The following UNC13A variants were observed in gnomAD, a reference collection of about 807,000 sequenced individuals.
UNC13A encodes protein unc-13 homolog A.
Under a neutral mutation model 219.7 loss-of-function variants are expected in UNC13A, and 61 were observed. That is an observed-to-expected ratio of 0.28 (90% confidence interval 0.23 to 0.34). The LOEUF is 0.34. Among genes scored for constraint, UNC13A ranks in the 10% least tolerant of loss-of-function variants. The pLI is 1.00. For missense variants in UNC13A, 1,476 were observed against 2,270.3 expected (o/e 0.65, Z 7.11); for synonymous variants, 920 against 884.6 (o/e 1.04, Z -0.71).
intron 16 of UNC13A, 81 bp downstream of exon 16, chr19:17,648,350 G>T: frequency 1.4e-5 from 7 of 513,280 alleles, no homozygotes; most frequent in Non-Finnish European, 1.8e-5. Context: ...CCATCGCCTT[G>T]CCCTTCAGCC....
At chr19:17,662,991 G>C (rs1351137794) in intron 8 of UNC13A, among the ~76,000 whole-genome samples, 1 of 151,952 alleles carries the variant, frequency 6.6e-6, no homozygotes, top group Non-Finnish European at 1.5e-5. Flanking sequence ...CTTATTCCCT[G>C]GGAGAGCAAA....
chr19:17,616,275 A>AGCAG (rs1324695495), intron 41 of UNC13A: 1 of 511,004 alleles, frequency 2.0e-6, no homozygotes, highest in Non-Finnish European at 3.5e-6. Flanking sequence ...GGGCCCTCCA[A>AGCAG]GCCGCTCAGG....
chr19:17,641,131 C>T (rs1052506726), intron 21 of UNC13A, among the ~76,000 whole-genome samples: 1 of 152,130 alleles, frequency 6.6e-6, no homozygotes, highest in African/African-American at 2.4e-5. Context: ...CCGCCCACCT[C>T]AGCCTCCTAA....
chr19:17,639,269 C>A, intron 24 of UNC13A, 52 bp from the exon 25 acceptor site: 1 of 1,608,530 alleles, frequency 6.2e-7, no homozygotes, highest in Non-Finnish European at 8.5e-7. Flanking sequence ...AGGAGGTCCC[C>A]AGGAAGTGAC....
At position 17,630,205 on chromosome 19, in the gene UNC13A, G is replaced by C; in HGVS notation, c.3609C>G (p.Ile1203Met). The change falls in exon 30 of 44, where the codon ATC becomes ATG. Residue 1203 changes from isoleucine (I) to methionine (M), a missense_variant. Around this residue, in one of 14 missense-constraint regions of UNC13A, gnomAD observed 218 missense variants for 409.4 expected, o/e 0.53. Coordinates refer to ENST00000519716, the MANE Select transcript of UNC13A (RefSeq NM_001080421.3). ...FSQLNQSFEIIKKLECPDPQI... is the reference protein window; with the variant it reads ...FSQLNQSFEIMKKLECPDPQI... The stretch of plus-strand genomic sequence containing the variant: ...GAGGGTCGGGACACTCGAGTTTCTT[G>C]ATGATTTCAAAGCTCTGGTTGAGTT... 1 of 1,552,950 alleles carries C rather than the reference G, an allele frequency of 6.4e-7. No individual in the cohort carries two copies. Among genetic ancestry groups the C allele is most frequent in the Non-Finnish European group, 8.7e-7 (1 of 1,147,614 alleles).
In UNC13A at chr19:17,605,773, A is replaced by G. The variant is rs7254755; in HGVS notation, c.*281T>C. The G allele has an allele frequency of 0.21, 80,991 of 382,570 alleles. 9,903 individuals are homozygous for G. Among genetic ancestry groups the G allele is most frequent in the Non-Finnish European group, 0.26 (55,958 of 215,582 alleles). 23.7% of individuals were successfully genotyped at this position (382,570 alleles called of 1,614,324 possible). ...ATAGGGACGAGGTTTCCCCCATCCC[A>G]GCTCAAAATGCCCCCTAGGTGCTGG... On this transcript the variant is annotated 3_prime_UTR_variant, in exon 44 of 44. Transcript: ENST00000519716.
Position 17,647,440 on chromosome 19 carries a change from G to T in UNC13A, c.1869C>A (p.Ile623=), listed in dbSNP as rs1381189196. The T allele has an allele frequency of 1.2e-6, 2 of 1,613,560 alleles. No individual in the cohort carries two copies. Among genetic ancestry groups the T allele is most frequent in the South Asian group, 2.2e-5 (2 of 91,094 alleles). ...KHGAEDRTQN[I]IMVLKDRMKI... ...TCATGCGGTCCTTGAGCACCATGAT[G>T]ATGTTCTGTGTCCGGTCCTCCGCCC... Residue 623 remains isoleucine (I), a synonymous_variant, in exon 17 of 44, where the codon ATC becomes ATA. Coordinates refer to ENST00000519716, the MANE Select transcript of UNC13A (RefSeq NM_001080421.3).
chr19:17,645,940 A>G (rs2077021852), intron 18 of UNC13A, 30 bp downstream of exon 18: 1 of 1,607,626 alleles, frequency 6.2e-7, no homozygotes, highest in Non-Finnish European at 8.5e-7. Flanking sequence ...GATGCCCCAC[A>G]TGGGGCCAGG....
chr19:17,626,588 C>T (rs779320410), intron 34 of UNC13A, 45 bp downstream of exon 34: 3 of 1,499,578 alleles, frequency 2.0e-6, no homozygotes, highest in Non-Finnish European at 2.7e-6. Flanking sequence ...TATGGCCCTG[C>T]CCCAGCCCCT....
At chr19:17,642,326 T>A (rs1229478744) in intron 20 of UNC13A, among the ~76,000 whole-genome samples, 2 of 152,028 alleles carry the variant, frequency 1.3e-5, no homozygotes, top group African/African-American at 2.4e-5. Flanking sequence ...AGTTCAATCA[T>A]ATATCCATCC....
At chr19:17,667,952 G>C (rs991848207) in intron 6 of UNC13A, among the ~76,000 whole-genome samples, 165 bp downstream of exon 6, 4 of 152,086 alleles carry the variant, frequency 2.6e-5, no homozygotes, top group South Asian at 2.1e-4. Context: ...TCATTGTCTA[G>C]AGACTGGACC....
At chr19:17,687,015 G>C (rs1171031746) in intron 1 of UNC13A, among the ~76,000 whole-genome samples, 3 of 152,182 alleles carry the variant, frequency 2.0e-5, no homozygotes, top group Non-Finnish European at 2.9e-5. Flanking sequence ...GGAGTGACGG[G>C]GGGACCCCAG....
intron 4 of UNC13A, 81 bp from the exon 5 acceptor site, chr19:17,669,757 T>C: frequency 6.7e-7 from 1 of 1,482,168 alleles, no homozygotes; most frequent in Non-Finnish European, 9.0e-7. Flanking sequence ...GCATGAGACA[T>C]CCCCCTCACC....
Position 17,606,084 on chromosome 19 carries a change from G to A in UNC13A, c.5082C>T (p.Ala1694=), listed in dbSNP as rs764297759. 3.2e-6 allele frequency: 5 copies of A among 1,587,186 alleles called. No individual in the cohort carries two copies. Among genetic ancestry groups the A allele is most frequent in the African/African-American group, 2.8e-5 (2 of 71,668 alleles). ...FVKLKSDTRS[A]EEGGAAPAP is the part of the protein sequence containing the mutation. ...GCGCAGGCGCGGCACCGCCCTCCTCGGCGGAGCGCGTGTCCGACTTGAGCT... is the reference window on the plus strand; with the variant it reads ...GCGCAGGCGCGGCACCGCCCTCCTCAGCGGAGCGCGTGTCCGACTTGAGCT... Residue 1694 remains alanine, a synonymous_variant, in exon 44 of 44, where the codon GCC becomes GCT. Coordinates refer to ENST00000519716, the MANE Select transcript of UNC13A (RefSeq NM_001080421.3).
chr19:17,638,464 T>C (rs2076933703), intron 25 of UNC13A, among the ~76,000 whole-genome samples: 1 of 148,852 alleles, frequency 6.7e-6, no homozygotes, highest in Non-Finnish European at 1.5e-5. Flanking sequence ...CAAGACCCCA[T>C]CTCAAAATAA....
At chr19:17,645,319 T>A (rs904869059) in intron 19 of UNC13A, among the ~76,000 whole-genome samples, 18 of 152,136 alleles carry the variant, frequency 1.2e-4, no homozygotes, top group African/African-American at 4.3e-4. Context: ...CCAGCCTGGA[T>A]TCTTAAAGCT....
At chr19:17,653,057 T>G (rs1453977418) in intron 11 of UNC13A, among the ~76,000 whole-genome samples, 2 of 152,114 alleles carry the variant, frequency 1.3e-5, no homozygotes, top group Non-Finnish European at 2.9e-5. Context: ...ATCATTCGGG[T>G]CTCAGCATAG....
At chr19:17,639,577 T>C (rs1053434371) in intron 23 of UNC13A, 52 bp from the exon 24 acceptor site, 3 of 1,571,480 alleles carry the variant, frequency 1.9e-6, no homozygotes, top group Non-Finnish European at 2.6e-6. Flanking sequence ...GTGGGGAGGA[T>C]GGGAGACTGC....
chr19:17,623,674 CCAG>C, intron 35 of UNC13A, 127 bp from the exon 36 acceptor site: 1 of 510,928 alleles, frequency 2.0e-6, no homozygotes, highest in Non-Finnish European at 3.4e-6. Flanking sequence ...CCAGCCCAGC[CCAG>C]AAGAGGTGGA....
Sources: allele counts gnomAD v4.1 joint callset (sites outside exome capture counted in the v4.1 genomes callset), GRCh38; gene constraint gnomAD v4.1.1; regional missense constraint gnomAD v4.1.1; transcripts MANE v1.5; gene names NCBI Gene and HGNC (gene_info 2026-07-23, HGNC 2026-07-21).